Variants in TANC2 observed in about 807,000 individuals in gnomAD.
The protein encoded by TANC2 is tetratricopeptide repeat, ankyrin repeat and coiled-coil containing 2, also known as protein TANC2.
TANC2 carries 26 observed loss-of-function variants against 210.5 expected under a neutral mutation model. The observed-to-expected ratio is 0.12, with a 90% CI of 0.09 to 0.17. TANC2 has a LOEUF of 0.17. TANC2 is among the 10% of genes least tolerant of loss of function. TANC2 has a pLI of 1.00. For synonymous variants in TANC2, 931 were observed against 967.1 expected, an observed-to-expected ratio of 0.96 and a Z score of 0.69; for missense variants, 2,129 against 2,608.9, an observed-to-expected ratio of 0.82 and a Z score of 4.01.
At chr17:63,369,552 G>A (rs983522839) in intron 14 of TANC2, among the ~76,000 whole-genome samples, 4 of 144,654 alleles carry the variant, frequency 2.8e-5, no homozygotes, top group African/African-American at 8.0e-5. Context: ...AATAATTTCA[G>A]CTTTTTTTTT....
At chr17:63,091,248 C>T (rs141919323) in intron 3 of TANC2, among the ~76,000 whole-genome samples, 9,436 of 152,172 alleles carry the variant, frequency 0.062, 410 homozygotes, top group Non-Finnish European at 0.09. Flanking sequence ...GCTTTTGTTG[C>T]CATTGCTTTT....
intron 11 of TANC2, among the ~76,000 whole-genome samples, chr17:63,338,430 G>C (rs1354034578): frequency 6.6e-6 from 1 of 152,178 alleles, no homozygotes; most frequent in Non-Finnish European, 1.5e-5. Context: ...TGTTGCAGCT[G>C]ATTTTCTCAG....
intron 12 of TANC2, among the ~76,000 whole-genome samples, chr17:63,349,829 GTT>G (rs1309609066): frequency 6.6e-6 from 1 of 152,184 alleles, no homozygotes; most frequent in Non-Finnish European, 1.5e-5. Flanking sequence ...GTAAATCCCA[GTT>G]AGTTCCAAGC....
chr17:63,276,731 C>CT (rs2043887330), intron 9 of TANC2, among the ~76,000 whole-genome samples: 2 of 151,952 alleles, frequency 1.3e-5, no homozygotes, highest in Admixed American at 1.3e-4. Flanking sequence ...TTTTAAAACA[C>CT]TAAGACAAAT....
chr17:63,265,671 A>C (rs369870039), intron 8 of TANC2, among the ~76,000 whole-genome samples: 1 of 152,202 alleles, frequency 6.6e-6, no homozygotes. Context: ...TATTATCTTC[A>C]TATGGGAGAG....
At chr17:63,296,571 C>T (rs2044543140) in intron 9 of TANC2, among the ~76,000 whole-genome samples, 1 of 152,092 alleles carries the variant, frequency 6.6e-6, no homozygotes, top group Non-Finnish European at 1.5e-5. Context: ...TTGACAGAAG[C>T]CATCCCTGAG....
At chr17:62,977,636 AT>A (rs767958889) in intron 1 of TANC2, among the ~76,000 whole-genome samples, 71 of 150,526 alleles carry the variant, frequency 4.7e-4, no homozygotes, top group African/African-American at 1.6e-3. Context: ...CATTCTACCT[AT>A]TTTTTTTTAA....
chr17:62,986,496 G>A (rs568915285), intron 1 of TANC2, among the ~76,000 whole-genome samples: 14 of 151,778 alleles, frequency 9.2e-5, no homozygotes, highest in South Asian at 2.1e-4. Context: ...GGTCTGGTCC[G>A]GGGATATATC....
chr17:62,979,904 C>T (rs902839972), intron 1 of TANC2, among the ~76,000 whole-genome samples: 1 of 152,172 alleles, frequency 6.6e-6, no homozygotes, highest in South Asian at 2.1e-4. Flanking sequence ...CAGAGTGAGA[C>T]CCTGTCTCAA....
At chr17:63,043,472 A>C (rs886239661) in intron 2 of TANC2, among the ~76,000 whole-genome samples, 1 of 152,130 alleles carries the variant, frequency 6.6e-6, no homozygotes, top group Non-Finnish European at 1.5e-5. Context: ...CTATCATTTT[A>C]CTCATTTAAC....
intron 2 of TANC2, among the ~76,000 whole-genome samples, chr17:63,010,814 G>A (rs1360898689): frequency 1.3e-5 from 2 of 152,168 alleles, no homozygotes; most frequent in Non-Finnish European, 2.9e-5. Context: ...GATGGAAGAT[G>A]TGGGTAGGGC....
At chr17:63,234,910 A>G (rs1232677841) in intron 7 of TANC2, among the ~76,000 whole-genome samples, 1 of 152,178 alleles carries the variant, frequency 6.6e-6, no homozygotes, top group Non-Finnish European at 1.5e-5. Context: ...TGTTCTGTTG[A>G]TAATTGAATG....
Position 63,415,675 on chromosome 17 carries a change from G to C in TANC2, c.4167+1G>C. 3.2e-6 allele frequency: 5 copies of C among 1,583,444 alleles called. No homozygotes were observed. Among genetic ancestry groups the C allele is most frequent in the Non-Finnish European group, 4.3e-6 (5 of 1,166,854 alleles). ...CTCTCGGTGTCGCAGGAAAATGAAC[G>C]TAAGTCCCTGTCACCCCAACTCCTT... is the stretch of plus-strand genomic sequence containing the variant. On this transcript the variant is annotated splice_donor_variant, in intron 26 of 27. Transcript: ENST00000689528. LOFTEE classifies it high-confidence loss of function.
intron 7 of TANC2, among the ~76,000 whole-genome samples, chr17:63,228,624 T>C (rs926446793): frequency 3.9e-5 from 6 of 152,318 alleles, no homozygotes; most frequent in Admixed American, 2.6e-4. Context: ...GGTTTGTAGT[T>C]CTCCTTGAAG....
At chr17:62,990,520 G>C (rs1308761009) in intron 1 of TANC2, among the ~76,000 whole-genome samples, 1 of 152,110 alleles carries the variant, frequency 6.6e-6, no homozygotes, top group Non-Finnish European at 1.5e-5. Flanking sequence ...CCTAGCTCGA[G>C]TGATCTTCCC....
At chr17:63,416,952 T>A (rs1056598238) in intron 26 of TANC2, among the ~76,000 whole-genome samples, 2 of 152,194 alleles carry the variant, frequency 1.3e-5, no homozygotes, top group Non-Finnish European at 2.9e-5. Flanking sequence ...GAGGCAAAGC[T>A]CAGAAGTTGC....
At chr17:63,106,050 A>G (rs1316508176) in intron 4 of TANC2, among the ~76,000 whole-genome samples, 1 of 151,572 alleles carries the variant, frequency 6.6e-6, no homozygotes. Context: ...CATTCAGGGT[A>G]CTGTTTCTAA....
At chr17:62,991,923 C>G (rs1347530278) in intron 1 of TANC2, among the ~76,000 whole-genome samples, 1 of 152,004 alleles carries the variant, frequency 6.6e-6, no homozygotes, top group African/African-American at 2.4e-5. Context: ...CGCACGGTTT[C>G]TTGTGTTGTT....
chr17:63,146,978 G>GCAACAACAA (rs564752153), intron 4 of TANC2, among the ~76,000 whole-genome samples: 1 of 151,584 alleles, frequency 6.6e-6, no homozygotes, highest in Non-Finnish European at 1.5e-5. Flanking sequence ...TTAAAAAACA[G>GCAACAACAA]CAACAACAAC....
Sources: allele counts gnomAD v4.1 joint callset (sites outside exome capture counted in the v4.1 genomes callset), GRCh38; gene constraint gnomAD v4.1.1; transcripts MANE v1.5; gene names NCBI Gene and HGNC (gene_info 2026-07-23, HGNC 2026-07-21).